Variants in HDLBP observed in about 807,000 individuals in gnomAD.
HDLBP encodes the protein high density lipoprotein binding protein.
A neutral mutation model predicts 137.3 loss-of-function variants in HDLBP; 30 were observed. The ratio of observed to expected loss-of-function variants is 0.22; its 90% confidence interval spans 0.16 to 0.30. The LOEUF is 0.30. Among genes scored for constraint, HDLBP ranks in the 10% least tolerant of loss-of-function variants. HDLBP has a pLI of 1.00. For synonymous variants in HDLBP, 606 were observed against 596.0 expected (o/e 1.02, Z -0.24); for missense variants, 1,119 against 1,667.3 (o/e 0.67, Z 5.73).
intron 1 of HDLBP, among the ~76,000 whole-genome samples, chr2:241,291,508 A>T (rs1379899231): frequency 1.3e-5 from 2 of 152,220 alleles, no homozygotes; most frequent in Non-Finnish European, 2.9e-5. Context: ...ATGAACTTCA[A>T]CTTTGGAAGC....
At chr2:241,292,195 C>G (rs1479214197) in intron 1 of HDLBP, among the ~76,000 whole-genome samples, 3 of 151,886 alleles carry the variant, frequency 2.0e-5, no homozygotes, top group East Asian at 1.9e-4. Context: ...CCCCCACCCC[C>G]CCAACAACAA....
intron 1 of HDLBP, among the ~76,000 whole-genome samples, chr2:241,307,943 C>G (rs1472557149): frequency 6.6e-6 from 1 of 151,908 alleles, no homozygotes; most frequent in Non-Finnish European, 1.5e-5. Flanking sequence ...GGCCTCTACC[C>G]CCACAGGATA....
At position 241,238,421 on chromosome 2, in the gene HDLBP, T is replaced by C. The variant is rs1429996297; in HGVS notation, c.2749+228A>G. On this transcript the variant is annotated intron_variant, in intron 20 of 27. Coordinates refer to ENST00000310931, the MANE Select transcript of HDLBP (RefSeq NM_005336.6). The surrounding 1 kb of genome is among the most constrained non-coding windows in gnomAD (Gnocchi z 4.9). ...CTCATCGCCTTGGGACTGGCTACCT[T>C]GTGTGTCTCTAGGACCTATGAAGGT... 2.7e-6 allele frequency: 1 copy of C among 369,514 alleles called. No individual in the cohort carries two copies. Among genetic ancestry groups the C allele is most frequent in the East Asian group, 4.0e-5 (1 of 25,020 alleles). 22.9% of individuals were successfully genotyped at this position (369,514 alleles called of 1,614,324 possible). A position where few individuals can be genotyped will look rare whatever the true frequency, so the allele number is the denominator to read the frequency against.
intron 4 of HDLBP, among the ~76,000 whole-genome samples, chr2:241,263,376 C>A (rs1052210624): frequency 6.6e-6 from 1 of 152,178 alleles, no homozygotes; most frequent in African/African-American, 2.4e-5. Flanking sequence ...AAGAGGATCA[C>A]CCATCCCACC....
chr2:241,256,143 T>C (rs1235545255), intron 7 of HDLBP, 41 bp downstream of exon 7: 1 of 1,538,984 alleles, frequency 6.5e-7, no homozygotes, highest in Non-Finnish European at 9.0e-7. Context: ...TCCTCATTTC[T>C]ATTCCTGCCC....
chr2:241,299,066 T>C (rs1037520573), intron 1 of HDLBP, among the ~76,000 whole-genome samples: 2 of 152,204 alleles, frequency 1.3e-5, no homozygotes, highest in African/African-American at 2.4e-5. Context: ...TGTCTATAAG[T>C]AAACATACCA....
At chr2:241,305,016 C>T (rs1029871008) in intron 1 of HDLBP, among the ~76,000 whole-genome samples, 1 of 152,176 alleles carries the variant, frequency 6.6e-6, no homozygotes, top group Non-Finnish European at 1.5e-5. Flanking sequence ...ACACAATAAA[C>T]CGGTGTGGTG....
Position 241,242,567 on chromosome 2 carries a change from T to C in HDLBP, c.2062A>G (p.Ile688Val), listed in dbSNP as rs2071346173. 2 of 1,613,986 alleles carry C rather than the reference T, an allele frequency of 1.2e-6. No individual in the cohort carries two copies. Among genetic ancestry groups the C allele is most frequent in the African/African-American group, 1.3e-5 (1 of 74,910 alleles). ...CCTGAACCTTCCACGGGAAAGTGAA[T>C]GTGGACCCCGCCGCACTCCTCCATG... is the stretch of plus-strand genomic sequence containing the variant. ...SIMEECGGVH[I>V]HFPVEGSGSD... The change falls in exon 17 of 28, where the codon ATT (isoleucine) becomes GTT (valine). Residue 688 changes from isoleucine (I) to valine (V), a missense_variant. By Grantham distance (29) the Ile-to-Val change is conservative. Transcript: ENST00000310931.
intron 2 of HDLBP, chr2:241,267,807 C>CCCAT: frequency 6.8e-7 from 1 of 1,475,040 alleles, no homozygotes; most frequent in Non-Finnish European, 9.0e-7. Flanking sequence ...TGGTTATTCT[C>CCCAT]CCATCCCTCC....
In HDLBP at chr2:241,228,828, A is replaced by G. The variant is rs1467428341; in HGVS notation, c.*773T>C. ...CAAGCGTAAGGCCCTACCTCCCCCAACCTGTGCGCATCTCAATCACAGCAG... is the reference window on the plus strand; with the variant it reads ...CAAGCGTAAGGCCCTACCTCCCCCAGCCTGTGCGCATCTCAATCACAGCAG... On this transcript the variant is annotated 3_prime_UTR_variant, in exon 28 of 28. Coordinates refer to ENST00000310931, the MANE Select transcript of HDLBP (RefSeq NM_005336.6). The G allele has an allele frequency of 6.5e-6, 1 of 152,732 alleles. No homozygotes were observed. Among genetic ancestry groups the G allele is most frequent in the African/African-American group, 2.4e-5 (1 of 41,512 alleles). The allele number at this position is 152,732 out of a possible 1,614,324, so 9.5% of individuals were successfully genotyped here.
At chr2:241,262,973 G>A in intron 4 of HDLBP, 47 bp from the exon 5 acceptor site, 3 of 1,434,648 alleles carry the variant, frequency 2.1e-6, no homozygotes, top group Non-Finnish European at 2.9e-6. Flanking sequence ...ATTAAAAGAA[G>A]GCCAACAGAT....
chr2:241,236,460 A>C, intron 21 of HDLBP, 155 bp downstream of exon 21: 3 of 739,446 alleles, frequency 4.1e-6, no homozygotes, highest in South Asian at 3.5e-5. Context: ...TCCAGCCGAG[A>C]AGCACAGCCC....
At chr2:241,309,730 T>C (rs1410635027) in intron 1 of HDLBP, among the ~76,000 whole-genome samples, 1 of 152,184 alleles carries the variant, frequency 6.6e-6, no homozygotes, top group Non-Finnish European at 1.5e-5. Flanking sequence ...CAAAGGGAAG[T>C]AGAATCTTTG....
At chr2:241,266,986 A>G (rs544915495) in intron 2 of HDLBP, 80 bp from the exon 3 acceptor site, 1 of 1,044,644 alleles carries the variant, frequency 9.6e-7, no homozygotes, top group South Asian at 1.3e-5. Context: ...GAGTTTTAGC[A>G]AAGTTTTACT....
In HDLBP at chr2:241,272,381, C is replaced by T; in HGVS notation, c.-102-3840G>A. The T allele has an allele frequency of 5.1e-6, 5 of 984,892 alleles. No homozygotes were observed. The highest frequency in any genetic ancestry group is 6.0e-6 in the Non-Finnish European group (5 of 829,746). 61.0% of individuals were successfully genotyped at this position (984,892 alleles called of 1,614,324 possible). ...GCGACCTGGGCTCAGGTCGGCCGCC[C>T]CTCCGCGCCGTGCGGCCACGGCACC... On this transcript the variant is annotated intron_variant, in intron 1 of 27. Transcript: ENST00000310931. The surrounding 1 kb of genome is among the most constrained non-coding windows in gnomAD (Gnocchi z 5.6).
At position 241,240,136 on chromosome 2, in the gene HDLBP, T is replaced by C; in HGVS notation, c.2170-14A>G. 3 of 1,612,602 alleles carry C rather than the reference T, an allele frequency of 1.9e-6. No homozygotes were observed. Among genetic ancestry groups the C allele is most frequent in the Non-Finnish European group, 2.5e-6 (3 of 1,178,644 alleles). On this transcript the variant is annotated splice_polypyrimidine_tract_variant and intron_variant, in intron 17 of 27. Coordinates refer to ENST00000310931, the MANE Select transcript of HDLBP (RefSeq NM_005336.6). The surrounding 1 kb of genome is among the most constrained non-coding windows in gnomAD (Gnocchi z 5.5). ...ACTCTTGGTTTGCTGCAGAAACCAATCCCACTGTGTTAGCCTGACACCACG... is the reference window on the plus strand; with the variant it reads ...ACTCTTGGTTTGCTGCAGAAACCAACCCCACTGTGTTAGCCTGACACCACG...
At position 241,235,485 on chromosome 2, in the gene HDLBP, T is replaced by G. The variant is rs1398384700; in HGVS notation, c.3009+5A>C. The G allele has an allele frequency of 6.2e-7, 1 of 1,609,974 alleles. No individual in the cohort carries two copies. The highest frequency in any genetic ancestry group is 8.5e-7 in the Non-Finnish European group (1 of 1,176,422). On this transcript the variant is annotated splice_donor_5th_base_variant and intron_variant, in intron 22 of 27. Coordinates refer to ENST00000310931, the MANE Select transcript of HDLBP (RefSeq NM_005336.6). ...GTGACATGGCCTCCCGGGAAAGGGGTCTACCTCAAACTCATCCATCATCTT... is the reference window on the plus strand; with the variant it reads ...GTGACATGGCCTCCCGGGAAAGGGGGCTACCTCAAACTCATCCATCATCTT...
At position 241,233,904 on chromosome 2, in the gene HDLBP, G is replaced by A. The variant is rs761088184; in HGVS notation, c.3204C>T (p.Ile1068=). Residue 1068 remains isoleucine, a synonymous_variant, in exon 24 of 28, where the codon ATC becomes ATT. Coordinates refer to ENST00000310931, the MANE Select transcript of HDLBP (RefSeq NM_005336.6). The surrounding 1 kb of genome is among the most constrained non-coding windows in gnomAD (Gnocchi z 4.3). The part of the protein sequence containing the change: ...TVDPKYHPKI[I]GRKGAVITQI... ...GGGTAATTACTGCCCCCTTTCTCCCGATAATCTTGGGATGGTATTTGGGGT... is the reference window on the plus strand; with the variant it reads ...GGGTAATTACTGCCCCCTTTCTCCCAATAATCTTGGGATGGTATTTGGGGT... 17 of 1,613,728 alleles carry A rather than the reference G, an allele frequency of 1.1e-5. No individual in the cohort carries two copies. Among genetic ancestry groups the A allele is most frequent in the Admixed American group, 6.7e-5 (4 of 59,996 alleles).
Position 241,256,703 on chromosome 2 carries a change from T to A in HDLBP, c.554A>T (p.Gln185Leu). 6.2e-7 allele frequency: 1 copy of A among 1,614,254 alleles called. No homozygotes were observed. The highest frequency in any genetic ancestry group is 8.5e-7 in the Non-Finnish European group (1 of 1,180,044). The change falls in exon 6 of 28, where the codon CAG becomes CTG. Residue 185 changes from glutamine (Q) to leucine (L), a missense_variant. Around this residue, in one of 4 missense-constraint regions of HDLBP, gnomAD observed 425 missense variants for 693.9 expected, o/e 0.61. Transcript: ENST00000310931. ...GCTGGGGTCATCTGGGCGTGGGATC[T>A]GGATTTTGGTTGCAGTTTTTAGCTC... ...DLELKTATKIQIPRPDDPSNQ... is the reference protein window; with the variant it reads ...DLELKTATKILIPRPDDPSNQ...
Sources: allele counts gnomAD v4.1 joint callset (sites outside exome capture counted in the v4.1 genomes callset), GRCh38; gene constraint gnomAD v4.1.1; regional missense constraint gnomAD v4.1.1; non-coding constraint Gnocchi (gnomAD v3.1); transcripts MANE v1.5; gene names NCBI Gene and HGNC (gene_info 2026-07-23, HGNC 2026-07-21).